Variants in LOC101059915 observed in about 807,000 individuals in gnomAD.
the LOC101059915 span, chrX:71,669,523 C>T: frequency 1.5e-5 from 14 of 954,773 alleles, no homozygotes; most frequent in Admixed American, 1.1e-4. Flanking sequence ...ACCGCCCGTC[C>T]CCACTGCCAG....
At chrX:71,668,064 G>A in the LOC101059915 span, 1 of 1,157,328 alleles carries the variant, frequency 8.6e-7, no homozygotes, top group Non-Finnish European at 1.2e-6. Context: ...AGGAAGGCCG[G>A]CCTGGCACCC....
At chrX:71,668,673 G>A in the LOC101059915 span, 2 of 1,080,171 alleles carry the variant, frequency 1.9e-6, no homozygotes, top group Non-Finnish European at 2.4e-6. Context: ...TGAAGAAAAT[G>A]CAGAGCATGG....
the LOC101059915 span, chrX:71,670,372 A>T: frequency 8.6e-7 from 1 of 1,164,828 alleles, no homozygotes; most frequent in Middle Eastern, 3.3e-4. Flanking sequence ...AGAGGTCCAC[A>T]CTAGATGGTG....
chrX:71,669,134 C>T, the LOC101059915 span: 4 of 1,028,740 alleles, frequency 3.9e-6, no homozygotes, highest in South Asian at 2.4e-5. Flanking sequence ...TCTTCCAGCA[C>T]ACGCCTCTTT....
At chrX:71,667,802 C>T in the LOC101059915 span, 1 of 1,059,605 alleles carries the variant, frequency 9.4e-7, no homozygotes, top group Admixed American at 4.3e-5. Flanking sequence ...CTGGCGGGCG[C>T]CATGAGCTCC....
chrX:71,668,614 A>C, the LOC101059915 span: 41 of 1,080,450 alleles, frequency 3.8e-5, no homozygotes, highest in Non-Finnish European at 4.5e-5. Context: ...CCGCAGACTC[A>C]CCCCAGTCGT....
At chrX:71,668,912 C>T in the LOC101059915 span, 1 of 1,130,969 alleles carries the variant, frequency 8.8e-7, no homozygotes, top group African/African-American at 1.8e-5. Context: ...CTGGGGAAGT[C>T]CGTGAGACCC....
At chrX:71,670,042 A>T in the LOC101059915 span, among the ~76,000 whole-genome samples, 39 of 112,454 alleles carry the variant, frequency 3.5e-4, no homozygotes, top group Admixed American at 1.2e-3. Flanking sequence ...GCACTGCTGG[A>T]GTCCAACCTG....
the LOC101059915 span, chrX:71,669,515 C>T: frequency 1.6e-5 from 15 of 949,116 alleles, no homozygotes; most frequent in African/African-American, 2.1e-4. Context: ...GTGTACTCAC[C>T]GCCCGTCCCC....
chrX:71,667,562 C>G, the LOC101059915 span: 60 of 255,058 alleles, frequency 2.4e-4, 1 homozygote, highest in South Asian at 7.3e-3. Context: ...TGAGGGAGCC[C>G]GGAAGCCACG....
At chrX:71,667,574 G>A in the LOC101059915 span, 4 of 268,861 alleles carry the variant, frequency 1.5e-5, no homozygotes, top group African/African-American at 1.1e-4. Flanking sequence ...GAAGCCACGC[G>A]CTGTCAGTGA....
the LOC101059915 span, chrX:71,667,953 G>A: frequency 8.6e-7 from 1 of 1,158,428 alleles, no homozygotes; most frequent in Non-Finnish European, 1.2e-6. Flanking sequence ...GCAGTGGCAA[G>A]GGTAAGGGCA....
At chrX:71,669,450 GA>G in the LOC101059915 span, 1 of 679,450 alleles carries the variant, frequency 1.5e-6, no homozygotes, top group Non-Finnish European at 2.0e-6. Context: ...GACTGAGGGA[GA>G]AAGTGTTAAT....
the LOC101059915 span, chrX:71,668,044 C>T: frequency 5.2e-6 from 6 of 1,163,254 alleles, no homozygotes; most frequent in Middle Eastern, 3.1e-4. Flanking sequence ...AAGGGTGGTG[C>T]TCTGGGGCCA....
At chrX:71,668,465 G>A in the LOC101059915 span, 5 of 1,159,728 alleles carry the variant, frequency 4.3e-6, no homozygotes, top group Non-Finnish European at 5.7e-6. Flanking sequence ...CCGGTGATTA[G>A]GGTGATCATT....
the LOC101059915 span, chrX:71,667,704 T>C: frequency 1.2e-6 from 1 of 859,129 alleles, no homozygotes; most frequent in Non-Finnish European, 1.5e-6. Flanking sequence ...AAGCTGAGAG[T>C]GGCCCCCTCG....
the LOC101059915 span, chrX:71,668,958 T>C: frequency 4.3e-6 from 5 of 1,160,342 alleles, no homozygotes; most frequent in African/African-American, 7.2e-5. Flanking sequence ...GGAAGAAACC[T>C]GCAGGAAGGA....
the LOC101059915 span, chrX:71,668,466 G>C: frequency 8.6e-7 from 1 of 1,159,417 alleles, no homozygotes; most frequent in South Asian, 2.0e-5. Flanking sequence ...CGGTGATTAG[G>C]GTGATCATTA....
the LOC101059915 span, chrX:71,670,541 C>G: frequency 4.7e-4 from 511 of 1,082,047 alleles, 3 homozygotes; most frequent in African/African-American, 8.7e-3. Context: ...CTGGGGGAGA[C>G]AGGGAGAACG....
Sources: allele counts gnomAD v4.1 joint callset (sites outside exome capture counted in the v4.1 genomes callset), GRCh38; gene constraint gnomAD v4.1.1; transcripts MANE v1.5.